The following MUC17 variants were observed in gnomAD, a reference collection of about 807,000 sequenced individuals.
The protein encoded by MUC17 is mucin 17, cell surface associated.
In MUC17, 190 loss-of-function variants were observed where a neutral mutation model predicts 170.3. The ratio of observed to expected loss-of-function variants is 1.12; its 90% CI spans 0.99 to 1.26. The LOEUF is 1.26. Ranked by LOEUF, MUC17 falls within the 50% of genes most tolerant of loss-of-function variation. The pLI is 0.00. For synonymous variants in MUC17, 2,325 were observed against 2,002.5 expected, an observed-to-expected ratio of 1.16 and a Z score of -4.30; for missense variants, 6,415 against 5,530.0, an observed-to-expected ratio of 1.16 and a Z score of -5.08.
In MUC17 at chr7:101,038,653, G is replaced by C; in HGVS notation, c.7237G>C (p.Glu2413Gln). The change falls in exon 3 of 13, where the codon GAG becomes CAG. Residue 2413 changes from glutamate (E) to glutamine (Q), a missense_variant. Physicochemically the swap from Glu to Gln is conservative, Grantham distance 29. Transcript: ENST00000306151. ...CAGCACCATGCCGGTGGTCAGTTCT[G>C]AGGCTAGCACCCATTCCACAACTCC... Reference protein sequence around the residue: ...PVSTMPVVSSEASTHSTTPVD... With the variant: ...PVSTMPVVSSQASTHSTTPVD... 2.5e-6 allele frequency: 4 copies of C among 1,613,908 alleles called. No homozygotes were observed. The highest frequency in any genetic ancestry group is 3.4e-6 in the Non-Finnish European group (4 of 1,179,998).
intron 10 of MUC17, 34 bp downstream of exon 10, chr7:101,053,181 C>T (rs1484133462): frequency 4.4e-6 from 7 of 1,604,312 alleles, no homozygotes; most frequent in African/African-American, 1.3e-5. Flanking sequence ...TCTTCCAACT[C>T]CCTCCAGCTC....
intron 7 of MUC17, among the ~76,000 whole-genome samples, 186 bp from the exon 8 acceptor site, chr7:101,051,427 G>C (rs957043017): frequency 6.0e-5 from 9 of 150,098 alleles, no homozygotes; most frequent in African/African-American, 2.2e-4. Flanking sequence ...GGGAGGCATA[G>C]GACAAAAAGG....
In MUC17 at chr7:101,053,131, AAG is replaced by A. The variant is rs751389785; in HGVS notation, c.13256_13257del (p.Glu4419GlyfsTer32). 1 of 1,612,454 alleles carries A rather than the reference AAG, an allele frequency of 6.2e-7. No individual in the cohort carries two copies. The highest frequency in any genetic ancestry group is 8.5e-7 in the Non-Finnish European group (1 of 1,179,064). On this transcript the variant is annotated frameshift_variant, in exon 10 of 13. Coordinates refer to ENST00000306151, the MANE Select transcript of MUC17 (RefSeq NM_001040105.2). LOFTEE classifies it high-confidence loss of function. ...VALLMLVFRS[K>X]REVKRQKYRL... is the part of the protein sequence containing the mutation. ...TCTCCTGATGCTCGTTTTCCGCTCC[AAG>A]AGAGAGGTGAAACGGTGAGCGAGCC... is the stretch of plus-strand genomic sequence containing the variant.
Position 101,032,041 on chromosome 7 carries a change from T to C in MUC17, c.625T>C (p.Ser209Pro), listed in dbSNP as rs772878703. 3 of 1,614,028 alleles carry C rather than the reference T, an allele frequency of 1.9e-6. No individual in the cohort carries two copies. In the African/African-American group the frequency reaches 4.0e-5, roughly 22 times the overall value. The change falls in exon 3 of 13, where the codon TCA becomes CCA. Residue 209 changes from serine (S) to proline (P), a missense_variant. Coordinates refer to ENST00000306151, the MANE Select transcript of MUC17 (RefSeq NM_001040105.2). ...TTPESTTIPK[S>P]TNSEGSTPLT... ...TCCTGAAAGCACCACCATACCCAAA[T>C]CAACTAACAGTGAAGGAAGCACTCC...
chr7:101,034,412 A>G lies in MUC17; in HGVS notation c.2996A>G (p.Glu999Gly). The part of the protein sequence containing the change: ...PVSHTLVANS[E>G]ASTLSTTPVD... ...AGCCACACGCTGGTGGCCAATTCTGAGGCTAGCACCCTTTCAACAACTCCT... is the reference window on the plus strand; with the variant it reads ...AGCCACACGCTGGTGGCCAATTCTGGGGCTAGCACCCTTTCAACAACTCCT... The change falls in exon 3 of 13, where the codon GAG becomes GGG. Residue 999 changes from glutamate (E) to glycine (G), a missense_variant. By Grantham distance (98) the Glu-to-Gly change is moderately conservative. Coordinates refer to ENST00000306151, the MANE Select transcript of MUC17 (RefSeq NM_001040105.2). 2 of 1,607,260 alleles carry G rather than the reference A, an allele frequency of 1.2e-6. No homozygotes were observed. Among genetic ancestry groups the G allele is most frequent in the South Asian group, 1.1e-5 (1 of 90,162 alleles).
In MUC17 at chr7:101,033,852, T is replaced by A. The variant is rs771189572; in HGVS notation, c.2436T>A (p.Pro812=). ...GAAGTCCTTTATTAACAAGTATACC[T>A]GTCAGCATCACACCGGTGACCAGTC... ...SEGSPLLTSI[P]VSITPVTSPE... The change falls in exon 3 of 13, where the codon CCT becomes CCA. Residue 812 remains proline, a synonymous_variant. Transcript: ENST00000306151. The A allele has an allele frequency of 1.9e-6, 3 of 1,613,620 alleles. No homozygotes were observed. The East Asian group carries it at 6.7e-5, about 36-fold the overall frequency.
chr7:101,038,582 C>A lies in MUC17; in HGVS notation c.7166C>A (p.Thr2389Asn), dbSNP rs773756761. The stretch of plus-strand genomic sequence containing the variant: ...ACTGCTGACGATACTAGCATGCCAA[C>A]CTCAACTTATAGTGAAGGAAGCACT... ...PTTADDTSMP[T>N]STYSEGSTPL... Residue 2389 changes from threonine (T) to asparagine (N), a missense_variant, in exon 3 of 13, where the codon ACC becomes AAC. Coordinates refer to ENST00000306151, the MANE Select transcript of MUC17 (RefSeq NM_001040105.2). The A allele has an allele frequency of 6.2e-7, 1 of 1,613,970 alleles. No homozygotes were observed. Among genetic ancestry groups the A allele is most frequent in the Non-Finnish European group, 8.5e-7 (1 of 1,180,000 alleles).
chr7:101,035,152 A>T lies in MUC17; in HGVS notation c.3736A>T (p.Thr1246Ser), dbSNP rs4729651. The change falls in exon 3 of 13, where the codon ACC (threonine) becomes TCC (serine). Residue 1246 changes from threonine to serine, a missense_variant. Coordinates refer to ENST00000306151, the MANE Select transcript of MUC17 (RefSeq NM_001040105.2). ...CACCCTTTCAACATCTCCCGTTGACACCAGCACACCTGTGACCACTTCTGC... is the reference window on the plus strand; with the variant it reads ...CACCCTTTCAACATCTCCCGTTGACTCCAGCACACCTGTGACCACTTCTGC... ...ASTLSTSPVD[T>S]STPVTTSAET... 98,168 of 1,477,768 alleles carry T rather than the reference A, an allele frequency of 0.066. No homozygotes were observed. The highest frequency in any genetic ancestry group is 0.22 in the African/African-American group (14,717 of 67,408). 91.5% of individuals were successfully genotyped at this position (1,477,768 alleles called of 1,614,324 possible).
rs149669181 is a variant in MUC17, at chr7:101,038,876, T to G, written c.7460T>G (p.Met2487Arg). Reference sequence around the variant, plus strand: ...ACTCCTGTTGACACCAGCACACCTATGACCACTTCTACTGAAGCCAGTTCA... The same window carrying G: ...ACTCCTGTTGACACCAGCACACCTAGGACCACTTCTACTGAAGCCAGTTCA... ...STTPVDTSTP[M>R]TTSTEASSSP... is the part of the protein sequence containing the mutation. The change falls in exon 3 of 13, where the codon ATG becomes AGG. Residue 2487 changes from methionine (M) to arginine (R), a missense_variant. Transcript: ENST00000306151. The G allele has an allele frequency of 6.2e-6, 10 of 1,613,590 alleles. No homozygotes were observed. The African/African-American group carries it at 1.3e-4, about 22-fold the overall frequency.
chr7:101,048,198 T>C, intron 4 of MUC17, 83 bp downstream of exon 4: 1 of 1,377,414 alleles, frequency 7.3e-7, no homozygotes, highest in East Asian at 2.6e-5. Flanking sequence ...CCCACCTTGA[T>C]GTGAGGCCAG....
chr7:101,037,316 C>T lies in MUC17; in HGVS notation c.5900C>T (p.Pro1967Leu). ...VTTYSQASSS[P>L]TTADGTSMPT... ...ACTTATTCTCAAGCCAGTTCATCTC[C>T]TACAACTGCTGATGGTACCAGCATG... The change falls in exon 3 of 13, where the codon CCT becomes CTT. Residue 1967 changes from proline to leucine, a missense_variant. Coordinates refer to ENST00000306151, the MANE Select transcript of MUC17 (RefSeq NM_001040105.2). 1 of 1,614,066 alleles carries T rather than the reference C, an allele frequency of 6.2e-7. No homozygotes were observed. The highest frequency in any genetic ancestry group is 8.5e-7 in the Non-Finnish European group (1 of 1,179,950).
Position 101,043,243 on chromosome 7 carries a change from A to G in MUC17, c.11827A>G (p.Ser3943Gly). 1.2e-6 allele frequency: 2 copies of G among 1,614,180 alleles called. No homozygotes were observed. The highest frequency in any genetic ancestry group is 1.7e-6 in the Non-Finnish European group (2 of 1,180,040). The change falls in exon 3 of 13, where the codon AGC (serine) becomes GGC (glycine). Residue 3943 changes from serine (S) to glycine (G), a missense_variant. Transcript: ENST00000306151. ...ACCTGGGACAACCATTTTTATTCCC[A>G]GCACTCCTGTCACCAGTTCTACTGC... is the stretch of plus-strand genomic sequence containing the variant. The part of the protein sequence containing the change: ...STPGTTIFIP[S>G]TPVTSSTADV...
rs1383082964 is a variant in MUC17, at chr7:101,036,082, A to C, written c.4666A>C (p.Thr1556Pro). The C allele has an allele frequency of 1.9e-6, 3 of 1,612,292 alleles. No homozygotes were observed. In the South Asian group the frequency reaches 3.3e-5, roughly 18 times the overall value. ...TTYSQASSSPTTADGTSMQTS... is the reference protein window; with the variant it reads ...TTYSQASSSPPTADGTSMQTS... ...TTATTCTCAAGCCAGTTCATCTCCT[A>C]CAACTGCTGACGGTACCAGCATGCA... is the stretch of plus-strand genomic sequence containing the variant. Residue 1556 changes from threonine (T) to proline (P), a missense_variant, in exon 3 of 13, where the codon ACA becomes CCA. Coordinates refer to ENST00000306151, the MANE Select transcript of MUC17 (RefSeq NM_001040105.2).
chr7:101,053,599 T>G, intron 11 of MUC17, 163 bp downstream of exon 11: 1 of 525,908 alleles, frequency 1.9e-6, no homozygotes, highest in African/African-American at 1.9e-5. Flanking sequence ...AGCAAAACTC[T>G]ATCTCTTAAA....
rs1432903413 is a variant in MUC17 at position 101,041,076 on chromosome 7, A to C, written c.9660A>C (p.Gly3220=). ...TSIPTSTPSE[G]MTPLTSVPVS... ...TTCCAACCTCAACTCCTAGTGAAGG[A>C]ATGACTCCATTAACTAGTGTACCTG... Residue 3220 remains glycine (G), a synonymous_variant, in exon 3 of 13, where the codon GGA becomes GGC. Coordinates refer to ENST00000306151, the MANE Select transcript of MUC17 (RefSeq NM_001040105.2). 1 of 1,613,980 alleles carries C rather than the reference A, an allele frequency of 6.2e-7. No individual in the cohort carries two copies. The highest frequency in any genetic ancestry group is 1.3e-5 in the African/African-American group (1 of 74,964).
chr7:101,031,794 C>G lies in MUC17; in HGVS notation c.378C>G (p.Thr126=). Reference sequence around the variant, plus strand: ...CTTCAGAATCTACCAGTGACAGCACCACACTTTTCCCCAGTTCTACTGAAG... The same window carrying G: ...CTTCAGAATCTACCAGTGACAGCACGACACTTTTCCCCAGTTCTACTGAAG... ...RTTSESTSDS[T]TLFPSSTEDT... The change falls in exon 3 of 13, where the codon ACC becomes ACG. Residue 126 remains threonine, a synonymous_variant. Coordinates refer to ENST00000306151, the MANE Select transcript of MUC17 (RefSeq NM_001040105.2). The G allele has an allele frequency of 6.2e-7, 1 of 1,609,370 alleles. No individual in the cohort carries two copies. The highest frequency in any genetic ancestry group is 8.5e-7 in the Non-Finnish European group (1 of 1,175,716).
At chr7:101,023,850 A>G (rs575888239) in intron 1 of MUC17, among the ~76,000 whole-genome samples, 5 of 152,284 alleles carry the variant, frequency 3.3e-5, no homozygotes, top group African/African-American at 1.2e-4. Flanking sequence ...AGCAATGTAT[A>G]AGCATTCCCT....
intron 11 of MUC17, among the ~76,000 whole-genome samples, chr7:101,055,663 T>C (rs1164681704): frequency 6.6e-6 from 1 of 152,186 alleles, no homozygotes. Context: ...TTAGCCTTAA[T>C]ACAATACAGA....
rs1264628149 is a variant in MUC17, at chr7:101,040,690, G to T, written c.9274G>T (p.Gly3092Cys). The change falls in exon 3 of 13, where the codon GGT becomes TGT. Residue 3092 changes from glycine (G) to cysteine (C), a missense_variant. Physicochemically the swap from Gly to Cys is radical, Grantham distance 159. Coordinates refer to ENST00000306151, the MANE Select transcript of MUC17 (RefSeq NM_001040105.2). ...CAGTTCATCTCCTACACCTGCTGAA[G>T]GTACCAGCATGCCAATCTCAACTTA... Reference protein sequence around the residue: ...EVSSSPTPAEGTSMPISTYSE... With the variant: ...EVSSSPTPAECTSMPISTYSE... 6.2e-7 allele frequency: 1 copy of T among 1,613,258 alleles called. No homozygotes were observed. The highest frequency in any genetic ancestry group is 1.1e-5 in the South Asian group (1 of 91,044).
Sources: allele counts gnomAD v4.1 joint callset (sites outside exome capture counted in the v4.1 genomes callset), GRCh38; gene constraint gnomAD v4.1.1; transcripts MANE v1.5; gene names NCBI Gene and HGNC (gene_info 2026-07-23, HGNC 2026-07-21).